Variants in STK33 observed in about 807,000 individuals in gnomAD.
STK33 encodes serine/threonine kinase 33, also known as serine/threonine-protein kinase 33.
In STK33, 52 loss-of-function variants were observed where a neutral mutation model predicts 58.0. The observed-to-expected ratio is 0.90, with a 90% confidence interval of 0.72 to 1.13. The LOEUF (loss-of-function observed/expected upper bound fraction) is 1.13, where lower values mean the gene tolerates loss of function less well. STK33 is among the 50% of genes most tolerant of loss of function. The probability of loss-of-function intolerance (pLI) is 0.00; values close to 1 mark genes in which losing one functional copy is unlikely to be tolerated. For missense variants in STK33, 630 were observed against 604.2 expected, an observed-to-expected ratio of 1.04 and a Z score of -0.45; for synonymous variants, 215 against 200.1, an observed-to-expected ratio of 1.07 and a Z score of -0.63.
At chr11:8,424,865 A>C (rs1942499740) in intron 14 of STK33, among the ~76,000 whole-genome samples, 2 of 139,792 alleles carry the variant, frequency 1.4e-5, no homozygotes, top group African/African-American at 5.7e-5. Flanking sequence ...GTTTGAGTTC[A>C]TTATAGATTC....
intron 15 of STK33, among the ~76,000 whole-genome samples, chr11:8,411,175 C>T (rs1217003929): frequency 6.6e-6 from 1 of 152,162 alleles, no homozygotes; most frequent in Non-Finnish European, 1.5e-5. Flanking sequence ...CAGAGGATTA[C>T]CAATAGCACA....
At chr11:8,481,378 G>C (rs756103659) in intron 1 of STK33, among the ~76,000 whole-genome samples, 3 of 152,170 alleles carry the variant, frequency 2.0e-5, no homozygotes, top group African/African-American at 7.2e-5. Context: ...CCCCTCCAGG[G>C]CAGGAACCAT....
At chr11:8,391,480 C>A (rs1369113947), downstream of STK33, among the ~76,000 whole-genome samples, 1 of 152,184 alleles carries the variant, frequency 6.6e-6, no homozygotes, top group Non-Finnish European at 1.5e-5. Context: ...TTTTAGTTAC[C>A]AAGTGGATTT....
intron 15 of STK33, among the ~76,000 whole-genome samples, chr11:8,393,256 C>G (rs1338180810): frequency 6.6e-6 from 1 of 152,152 alleles, no homozygotes; most frequent in East Asian, 1.9e-4. Flanking sequence ...TAAGTGGAAG[C>G]AAATAATATT....
chr11:8,401,961 A>T (rs1327309833), intron 15 of STK33, among the ~76,000 whole-genome samples: 1 of 152,122 alleles, frequency 6.6e-6, no homozygotes, highest in African/African-American at 2.4e-5. Context: ...AAAAGTCAGG[A>T]AACAACAGGT....
chr11:8,518,886 A>G (rs1211566479), intron 1 of STK33, among the ~76,000 whole-genome samples: 2 of 152,238 alleles, frequency 1.3e-5, no homozygotes, highest in African/African-American at 4.8e-5. Context: ...CCACACAGTA[A>G]TAATGGGAGA....
At chr11:8,453,825 T>C (rs1045606411) in intron 10 of STK33, among the ~76,000 whole-genome samples, 2 of 152,254 alleles carry the variant, frequency 1.3e-5, no homozygotes, top group African/African-American at 2.4e-5. Context: ...GATGAATCAA[T>C]TTCTCCATTA....
At chr11:8,589,982 T>C (rs1018891086) in intron 1 of STK33, among the ~76,000 whole-genome samples, 1 of 152,174 alleles carries the variant, frequency 6.6e-6, no homozygotes, top group Non-Finnish European at 1.5e-5. Flanking sequence ...CGATGTTAGA[T>C]TTGCTAGCAG....
chr11:8,441,217 T>C (rs1944700018), intron 11 of STK33, among the ~76,000 whole-genome samples: 1 of 152,178 alleles, frequency 6.6e-6, no homozygotes, highest in African/African-American at 2.4e-5. Flanking sequence ...ATCACTCCTA[T>C]AACAGAATAT....
chr11:8,591,509 G>C (rs2032587114), intron 1 of STK33, among the ~76,000 whole-genome samples: 1 of 152,144 alleles, frequency 6.6e-6, no homozygotes, highest in Non-Finnish European at 1.5e-5. Flanking sequence ...TTGTGGGGAA[G>C]ATGCCCCAAA....
intron 1 of STK33, among the ~76,000 whole-genome samples, chr11:8,512,000 T>A (rs1171859697): frequency 5.9e-5 from 9 of 152,194 alleles, no homozygotes; most frequent in Admixed American, 1.3e-4. Context: ...AAGCTACTTA[T>A]AAAGGATTAA....
chr11:8,388,604 G>A (rs1848576434), downstream of STK33, among the ~76,000 whole-genome samples: 1 of 152,136 alleles, frequency 6.6e-6, no homozygotes, highest in South Asian at 2.1e-4. Flanking sequence ...TAGAGATGAA[G>A]CGAACACGAA....
At chr11:8,427,838 T>C (rs1373565792) in intron 14 of STK33, among the ~76,000 whole-genome samples, 1 of 152,210 alleles carries the variant, frequency 6.6e-6, no homozygotes, top group Non-Finnish European at 1.5e-5. Flanking sequence ...CCCTTATCTC[T>C]CTTAGTATGT....
intron 9 of STK33, 23 bp downstream of exon 9, chr11:8,457,318 G>T: frequency 6.6e-7 from 1 of 1,511,950 alleles, no homozygotes; most frequent in Non-Finnish European, 9.0e-7. Context: ...TGGGGTCAAT[G>T]AGCTGGATAA....
the STK33 span, among the ~76,000 whole-genome samples, chr11:8,369,465 G>GGAGGCTAA: frequency 6.6e-6 from 1 of 151,534 alleles, no homozygotes; most frequent in African/African-American, 2.4e-5. Flanking sequence ...CAGAGAATGA[G>GGAGGCTAA]GAGGCTAAGG....
chr11:8,353,789 A>G, the STK33 span, among the ~76,000 whole-genome samples: 1 of 152,148 alleles, frequency 6.6e-6, no homozygotes. Context: ...TTTTGAGTGA[A>G]CTTAAAGTCT....
chr11:8,441,347 G>A (rs1944715545), intron 11 of STK33, among the ~76,000 whole-genome samples: 1 of 151,794 alleles, frequency 6.6e-6, no homozygotes, highest in Non-Finnish European at 1.5e-5. Context: ...ATATGTGTGT[G>A]TGTGTGTGTA....
At chr11:8,494,515 C>G (rs752961840) in intron 1 of STK33, among the ~76,000 whole-genome samples, 1 of 152,214 alleles carries the variant, frequency 6.6e-6, no homozygotes, top group Non-Finnish European at 1.5e-5. Flanking sequence ...AATGGCCATA[C>G]TGCCCAAGGT....
intron 1 of STK33, among the ~76,000 whole-genome samples, chr11:8,547,644 T>C (rs1378350413): frequency 2.0e-5 from 3 of 152,162 alleles, no homozygotes; most frequent in Non-Finnish European, 4.4e-5. Flanking sequence ...GGATGGAGAG[T>C]TTGTAAATAT....
Sources: gnomAD v4.1 joint callset for allele counts (sites outside exome capture counted in the v4.1 genomes callset) on GRCh38, gnomAD v4.1.1 for gene constraint, MANE v1.5 for transcripts, NCBI Gene and HGNC (gene_info 2026-07-23, HGNC 2026-07-21) for gene names.